The following CAMK1D variants were observed in gnomAD, a reference collection of about 807,000 sequenced individuals.
The protein encoded by CAMK1D is calcium/calmodulin-dependent protein kinase type 1D.
In CAMK1D, 9 loss-of-function variants were observed where a neutral mutation model predicts 47.7. That is an observed-to-expected ratio of 0.19 (90% confidence interval 0.11 to 0.33). The LOEUF (loss-of-function observed/expected upper bound fraction) is 0.33, where lower values mean the gene tolerates loss of function less well. Ranked by LOEUF, CAMK1D falls within the 10% of genes least tolerant of loss-of-function variation. The pLI is 1.00. For synonymous variants in CAMK1D, 184 were observed against 184.9 expected, an observed-to-expected ratio of 0.99 and a Z score of 0.04; for missense variants, 291 against 488.7, an observed-to-expected ratio of 0.60 and a Z score of 3.81.
intron 2 of CAMK1D, among the ~76,000 whole-genome samples, chr10:12,583,621 G>C (rs987091140): frequency 2.1e-5 from 2 of 96,394 alleles, no homozygotes; most frequent in African/African-American, 8.2e-5. Context: ...TTTTTTTTTT[G>C]AGATGGAGTC....
intron 1 of CAMK1D, among the ~76,000 whole-genome samples, chr10:12,479,555 G>A (rs923857530): frequency 6.6e-6 from 1 of 152,212 alleles, no homozygotes; most frequent in Non-Finnish European, 1.5e-5. Context: ...CTGCTGTGGG[G>A]ACCATGCTTT....
chr10:12,676,877 T>C (rs1840826362), intron 3 of CAMK1D, among the ~76,000 whole-genome samples: 1 of 152,210 alleles, frequency 6.6e-6, no homozygotes, highest in Admixed American at 6.5e-5. Flanking sequence ...TAAAGTTTAC[T>C]CAGCAGTATC....
rs118032344 is a variant in CAMK1D, at chr10:12,378,247, T to C, written c.92+28337T>C. ...CTAAAGCCCTTACTACTTTTTGTTT[T>C]AATAGATATATTTTTTAGATACAGC... On this transcript the variant is annotated intron_variant, in intron 1 of 10. Transcript: ENST00000619168. 7.2e-5 allele frequency among the ~76,000 whole-genome samples: 11 copies of C among 152,298 alleles called. 1 individual carries two copies. The East Asian group carries it at 2.1e-3, about 29-fold the overall frequency.
intron 1 of CAMK1D, among the ~76,000 whole-genome samples, chr10:12,466,616 C>A: frequency 6.9e-6 from 1 of 144,188 alleles, no homozygotes; most frequent in Non-Finnish European, 1.5e-5. Context: ...TTTTAGAAGT[C>A]AATAGGTTTT....
At chr10:12,370,187 T>C (rs1243816053) in intron 1 of CAMK1D, among the ~76,000 whole-genome samples, 1 of 152,102 alleles carries the variant, frequency 6.6e-6, no homozygotes, top group African/African-American at 2.4e-5. Flanking sequence ...TGTTGCCTCG[T>C]TGTCGCTGTC....
chr10:12,758,109 C>T (rs756022727), intron 3 of CAMK1D, among the ~76,000 whole-genome samples: 59 of 152,098 alleles, frequency 3.9e-4, no homozygotes, highest in Non-Finnish European at 6.6e-4. Context: ...CTTGGCCTCC[C>T]AAAGTGCTGG....
intron 1 of CAMK1D, among the ~76,000 whole-genome samples, chr10:12,531,231 C>A (rs142669852): frequency 6.6e-5 from 10 of 152,206 alleles, no homozygotes; most frequent in South Asian, 2.1e-4. Context: ...GAGAGACCAT[C>A]GCAGTTTGAT....
At chr10:12,746,216 T>C (rs1229981509) in intron 3 of CAMK1D, among the ~76,000 whole-genome samples, 1 of 144,752 alleles carries the variant, frequency 6.9e-6, no homozygotes, top group African/African-American at 2.9e-5. Context: ...AACAAAAAAT[T>C]AGCTGGGCGT....
chr10:12,787,773 C>A (rs10795980), intron 5 of CAMK1D, among the ~76,000 whole-genome samples: 7 of 152,156 alleles, frequency 4.6e-5, no homozygotes, highest in African/African-American at 9.7e-5. Context: ...AGGCTGAGGC[C>A]GGTGGATCAT....
chr10:12,412,939 G>A (rs768581773), intron 1 of CAMK1D, among the ~76,000 whole-genome samples: 1 of 152,120 alleles, frequency 6.6e-6, no homozygotes, highest in Non-Finnish European at 1.5e-5. Flanking sequence ...TTGTCTTGTG[G>A]TGGAACTAAG....
intron 1 of CAMK1D, among the ~76,000 whole-genome samples, chr10:12,552,105 T>C (rs967396517): frequency 1.3e-5 from 2 of 152,206 alleles, no homozygotes; most frequent in Non-Finnish European, 2.9e-5. Context: ...AGTGGAGTTC[T>C]GCACGCAGGC....
intron 2 of CAMK1D, among the ~76,000 whole-genome samples, chr10:12,592,443 G>A (rs562218531): frequency 9.2e-5 from 14 of 152,240 alleles, no homozygotes; most frequent in African/African-American, 2.9e-4. Context: ...ACATTGTCTT[G>A]TTTTAGAGAC....
intron 1 of CAMK1D, among the ~76,000 whole-genome samples, chr10:12,477,619 G>C (rs929668531): frequency 1.3e-5 from 2 of 152,164 alleles, no homozygotes; most frequent in Non-Finnish European, 2.9e-5. Context: ...GAGACAGGAC[G>C]ATGTGTGGTA....
intron 1 of CAMK1D, among the ~76,000 whole-genome samples, chr10:12,354,632 G>A (rs528652554): frequency 2.0e-5 from 3 of 151,676 alleles, no homozygotes; most frequent in African/African-American, 4.8e-5. Context: ...AGACGGTCTC[G>A]ATCTCCTGAC....
chr10:12,824,974 C>A (rs569761394), intron 9 of CAMK1D, among the ~76,000 whole-genome samples: 1 of 152,230 alleles, frequency 6.6e-6, no homozygotes, highest in South Asian at 2.1e-4. Context: ...ACCTGACTTC[C>A]TAATCTCTTG....
intron 1 of CAMK1D, among the ~76,000 whole-genome samples, chr10:12,429,408 C>T (rs757565044): frequency 4.6e-5 from 7 of 151,720 alleles, no homozygotes; most frequent in East Asian, 2.0e-4. Flanking sequence ...GGTGTGATCT[C>T]GGCTCATTGC....
chr10:12,547,228 G>C (rs1836406627), intron 1 of CAMK1D, among the ~76,000 whole-genome samples: 1 of 152,220 alleles, frequency 6.6e-6, no homozygotes, highest in Admixed American at 6.5e-5. Flanking sequence ...GCAAAAACCA[G>C]TAGGATGAGC....
At chr10:12,474,311 G>A (rs1833838054) in intron 1 of CAMK1D, among the ~76,000 whole-genome samples, 2 of 148,708 alleles carry the variant, frequency 1.3e-5, no homozygotes, top group South Asian at 4.2e-4. Flanking sequence ...CCATTCTCCT[G>A]CCTCAACCTC....
intron 2 of CAMK1D, among the ~76,000 whole-genome samples, chr10:12,638,820 C>T (rs1419360809): frequency 2.0e-5 from 3 of 152,078 alleles, no homozygotes; most frequent in Non-Finnish European, 4.4e-5. Context: ...TGGGAGTGAG[C>T]GAGGGGGTGA....
Sources: gnomAD v4.1 joint callset for allele counts (sites outside exome capture counted in the v4.1 genomes callset) on GRCh38, gnomAD v4.1.1 for gene constraint, MANE v1.5 for transcripts, NCBI Gene and HGNC (gene_info 2026-07-23, HGNC 2026-07-21) for gene names.